Variants in CSMD1 observed in about 807,000 individuals in gnomAD.
The protein encoded by CSMD1 is CUB and Sushi multiple domains 1.
A neutral mutation model predicts 417.5 loss-of-function variants in CSMD1; 213 were observed. The observed-to-expected ratio is 0.51, with a 90% CI of 0.46 to 0.57. The LOEUF is 0.57. Among genes scored for constraint, CSMD1 ranks in the 20% least tolerant of loss-of-function variants. The probability of loss-of-function intolerance (pLI) is 0.00; values close to 1 mark genes in which losing one functional copy is unlikely to be tolerated. For synonymous variants in CSMD1, 2,862 were observed against 1,736.8 expected (o/e 1.65, Z -16.11); for missense variants, 6,923 against 4,529.7 (o/e 1.53, Z -15.17).
chr8:4,818,951 A>G (rs970790631), intron 1 of CSMD1, among the ~76,000 whole-genome samples: 1 of 152,168 alleles, frequency 6.6e-6, no homozygotes, highest in Non-Finnish European at 1.5e-5. Context: ...CCTGTAATTT[A>G]TATTAAAACT....
intron 5 of CSMD1, among the ~76,000 whole-genome samples, chr8:3,953,521 G>T (rs149866026): frequency 6.6e-6 from 1 of 152,134 alleles, no homozygotes; most frequent in Non-Finnish European, 1.5e-5. Flanking sequence ...AAAAGATAAT[G>T]ACATTGCCCT....
intron 2 of CSMD1, among the ~76,000 whole-genome samples, chr8:4,541,066 G>A (rs1020665470): frequency 6.6e-6 from 1 of 152,184 alleles, no homozygotes; most frequent in African/African-American, 2.4e-5. Flanking sequence ...GAAACTCTAA[G>A]GACATTTTTG....
At chr8:3,885,585 T>C (rs1386431532) in intron 5 of CSMD1, among the ~76,000 whole-genome samples, 2 of 152,194 alleles carry the variant, frequency 1.3e-5, no homozygotes, top group Non-Finnish European at 2.9e-5. Context: ...GCAGTCATCA[T>C]CCAACATCAG....
At chr8:3,598,551 T>C (rs952375927) in intron 8 of CSMD1, among the ~76,000 whole-genome samples, 1 of 152,172 alleles carries the variant, frequency 6.6e-6, no homozygotes, top group Non-Finnish European at 1.5e-5. Context: ...AGCCTTCCTC[T>C]ACGCTCTGTC....
At chr8:4,282,806 C>T (rs934310076) in intron 3 of CSMD1, among the ~76,000 whole-genome samples, 2 of 151,998 alleles carry the variant, frequency 1.3e-5, no homozygotes, top group African/African-American at 2.4e-5. Flanking sequence ...ATAATGGAGT[C>T]GGGTATATAT....
intron 3 of CSMD1, among the ~76,000 whole-genome samples, chr8:4,194,598 A>T (rs1052890901): frequency 6.6e-6 from 1 of 152,116 alleles, no homozygotes; most frequent in African/African-American, 2.4e-5. Flanking sequence ...CCCCTTTGAC[A>T]TTAATTTGCT....
chr8:3,900,379 G>A (rs1422908010), intron 5 of CSMD1, among the ~76,000 whole-genome samples: 3 of 151,524 alleles, frequency 2.0e-5, no homozygotes, highest in African/African-American at 4.9e-5. Context: ...GTGTGACAGT[G>A]CAGCTGGGTG....
At position 4,426,924 on chromosome 8, in the gene CSMD1, G is replaced by A. The variant is rs149485958; in HGVS notation, c.303-6859C>T. 2.2e-3 allele frequency among the ~76,000 whole-genome samples: 336 copies of A among 151,934 alleles called. 2 individuals carry two copies. Among genetic ancestry groups the A allele is most frequent in the African/African-American group, 7.4e-3 (305 of 41,486 alleles). On this transcript the variant is annotated intron_variant, in intron 2 of 69. Coordinates refer to ENST00000635120, the MANE Select transcript of CSMD1 (RefSeq NM_033225.6). ...GTGTTTCAGCTTTTTATTTTATATAGAAGAGAAATTATGGTAGAAGTATTC... is the reference window on the plus strand; with the variant it reads ...GTGTTTCAGCTTTTTATTTTATATAAAAGAGAAATTATGGTAGAAGTATTC...
chr8:4,418,801 A>T (rs1330112191), intron 3 of CSMD1, among the ~76,000 whole-genome samples: 1 of 152,102 alleles, frequency 6.6e-6, no homozygotes, highest in Non-Finnish European at 1.5e-5. Context: ...CCTTGATAGT[A>T]ACGTACTTAA....
intron 3 of CSMD1, among the ~76,000 whole-genome samples, chr8:4,033,464 A>G (rs2130587441): frequency 6.6e-6 from 1 of 152,200 alleles, no homozygotes; most frequent in South Asian, 2.1e-4. Context: ...CAACAACAAT[A>G]AAAAAACCTT....
intron 10 of CSMD1, among the ~76,000 whole-genome samples, chr8:3,515,105 A>G (rs898529071): frequency 6.6e-6 from 1 of 152,364 alleles, no homozygotes; most frequent in East Asian, 1.9e-4. Context: ...ACATTTAAAA[A>G]ATCAGTCATT....
intron 51 of CSMD1, among the ~76,000 whole-genome samples, chr8:3,021,250 G>A (rs1809355870): frequency 6.6e-6 from 1 of 152,166 alleles, no homozygotes; most frequent in Non-Finnish European, 1.5e-5. Flanking sequence ...CCTCTAACAA[G>A]ATTTACTCAA....
chr8:4,717,293 TTC>T (rs557155976), intron 1 of CSMD1, among the ~76,000 whole-genome samples: 4 of 129,872 alleles, frequency 3.1e-5, no homozygotes, highest in Admixed American at 7.4e-5. Flanking sequence ...GACCCTGCCC[TTC>T]TCTCTCTCTC....
At chr8:4,254,855 T>C (rs1049827948) in intron 3 of CSMD1, among the ~76,000 whole-genome samples, 2 of 152,240 alleles carry the variant, frequency 1.3e-5, no homozygotes, top group African/African-American at 4.8e-5. Flanking sequence ...GGTGGTCATA[T>C]GCACATTCTG....
intron 1 of CSMD1, among the ~76,000 whole-genome samples, chr8:4,739,385 T>C (rs909172338): frequency 2.0e-5 from 3 of 152,244 alleles, no homozygotes; most frequent in Non-Finnish European, 4.4e-5. Context: ...CTCAGTCATA[T>C]TCCCTATTTA....
At chr8:4,032,170 A>G in intron 3 of CSMD1, 71 bp from the exon 4 acceptor site, 1 of 1,085,892 alleles carries the variant, frequency 9.2e-7, no homozygotes, top group Non-Finnish European at 1.3e-6. Context: ...ATAAGATAAA[A>G]CAGACACCAT....
At chr8:4,030,040 G>A (rs1797260968) in intron 4 of CSMD1, among the ~76,000 whole-genome samples, 1 of 152,148 alleles carries the variant, frequency 6.6e-6, no homozygotes, top group African/African-American at 2.4e-5. Flanking sequence ...ACAGTCTTGG[G>A]CAGGTGTACC....
At chr8:4,462,531 A>G (rs2163306) in intron 2 of CSMD1, among the ~76,000 whole-genome samples, 25,475 of 152,134 alleles carry the variant, frequency 0.17, 2,660 homozygotes, top group South Asian at 0.3. Flanking sequence ...GACTTAGAAT[A>G]CTCAAAACAA....
chr8:3,179,977 C>G (rs549239811), intron 37 of CSMD1, among the ~76,000 whole-genome samples: 1 of 152,190 alleles, frequency 6.6e-6, no homozygotes, highest in Non-Finnish European at 1.5e-5. Flanking sequence ...AGCTGGCAAT[C>G]TGGCCTTTCA....
Sources: allele counts gnomAD v4.1 joint callset (sites outside exome capture counted in the v4.1 genomes callset), GRCh38; gene constraint gnomAD v4.1.1; transcripts MANE v1.5; gene names NCBI Gene and HGNC (gene_info 2026-07-23, HGNC 2026-07-21).